Variants in CMYA5 observed in about 807,000 individuals in gnomAD.
The protein encoded by CMYA5 is cardiomyopathy-associated protein 5.
A neutral mutation model predicts 318.9 loss-of-function variants in CMYA5; 246 were observed. That is an observed-to-expected ratio of 0.77 (90% confidence interval 0.70 to 0.86). The LOEUF (loss-of-function observed/expected upper bound fraction) is 0.86. CMYA5 is among the 40% of genes least tolerant of loss of function. The pLI is 0.00. For missense variants in CMYA5, 4,589 were observed against 4,678.2 expected (o/e 0.98, Z 0.56); for synonymous variants, 1,641 against 1,729.5 (o/e 0.95, Z 1.27).
chr5:79,725,824 A>C (rs750970189), intron 1 of CMYA5, among the ~76,000 whole-genome samples: 3 of 152,182 alleles, frequency 2.0e-5, no homozygotes, highest in Non-Finnish European at 4.4e-5. Flanking sequence ...GAATCACTTA[A>C]ACCCAGGAGG....
At chr5:79,717,010 T>C (rs562802028) in intron 1 of CMYA5, among the ~76,000 whole-genome samples, 2 of 152,310 alleles carry the variant, frequency 1.3e-5, no homozygotes, top group South Asian at 2.1e-4. Context: ...TAATTTGAGC[T>C]CATTACATAC....
chr5:79,796,212 T>C (rs1829272749), intron 12 of CMYA5, among the ~76,000 whole-genome samples: 1 of 152,216 alleles, frequency 6.6e-6, no homozygotes, highest in African/African-American at 2.4e-5. Flanking sequence ...ACCAGCGTTA[T>C]GCAATAGGAC....
At chr5:79,767,196 ATTC>A (rs780274535) in intron 9 of CMYA5, among the ~76,000 whole-genome samples, 4 of 151,688 alleles carry the variant, frequency 2.6e-5, no homozygotes, top group Non-Finnish European at 5.9e-5. Flanking sequence ...TCTTGTCTCT[ATTC>A]TTCTTTATTA....
At chr5:79,727,273 CAT>C (rs1394530147) in intron 1 of CMYA5, among the ~76,000 whole-genome samples, 1 of 152,136 alleles carries the variant, frequency 6.6e-6, no homozygotes, top group African/African-American at 2.4e-5. Flanking sequence ...AATCTAAAAA[CAT>C]AGCAATGTGA....
chr5:79,735,173 C>CCT lies in CMYA5; in HGVS notation c.6408_6409insCT (p.Ser2137LeufsTer16), dbSNP rs1561210709. 1 of 1,613,664 alleles carries CCT rather than the reference C, an allele frequency of 6.2e-7. No individual in the cohort carries two copies. The highest frequency in any genetic ancestry group is 8.5e-7 in the Non-Finnish European group (1 of 1,179,768). On this transcript the variant is annotated frameshift_variant, in exon 2 of 13. Transcript: ENST00000446378. LOFTEE classifies it high-confidence loss of function. ...TACCCACACAAAGAAAACCCATCTC[C>CCT]TCAATCCATGCAAGAGAGCCTCAAT...
At chr5:79,701,090 C>CCAAAAAAAAAAAAAAAAAAAAAAAAAAA (rs55791310) in intron 1 of CMYA5, among the ~76,000 whole-genome samples, 1 of 114,926 alleles carries the variant, frequency 8.7e-6, no homozygotes, top group Non-Finnish European at 1.9e-5. Flanking sequence ...ACTAAAAATA[C>CCAAAAAAAAAAAAAAAAAAAAAAAAAAA]AAAAAAAAAA....
chr5:79,747,093 G>A lies in CMYA5; in HGVS notation c.10971G>A (p.Ser3657=), dbSNP rs990500912. The A allele has an allele frequency of 7.2e-6, 11 of 1,524,246 alleles. No individual in the cohort carries two copies. Among genetic ancestry groups the A allele is most frequent in the South Asian group, 1.2e-5 (1 of 82,788 alleles). 94.4% of individuals were successfully genotyped at this position (1,524,246 alleles called of 1,614,324 possible). The stretch of plus-strand genomic sequence containing the variant: ...CTTCCTCTCTCTTTCTCCCTAAGTC[G>A]TTTGAGGAAATCAATGAAAGGTATA... The part of the protein sequence containing the change: ...EELDEAVFLT[S]FEEINERLLS... The change falls in exon 5 of 13, where the codon TCG becomes TCA. Residue 3657 remains serine (S), a splice_region_variant and synonymous_variant. Transcript: ENST00000446378.
At chr5:79,793,164 T>G (rs1350857758) in intron 11 of CMYA5, among the ~76,000 whole-genome samples, 1 of 152,244 alleles carries the variant, frequency 6.6e-6, no homozygotes, top group Non-Finnish European at 1.5e-5. Context: ...AGTTATTTCC[T>G]GATTCCCAGC....
At chr5:79,707,257 G>A (rs746071551) in intron 1 of CMYA5, among the ~76,000 whole-genome samples, 11 of 151,992 alleles carry the variant, frequency 7.2e-5, no homozygotes, top group South Asian at 2.1e-4. Flanking sequence ...CAACTGGAAC[G>A]GCCCACTCAG....
intron 1 of CMYA5, among the ~76,000 whole-genome samples, chr5:79,698,324 A>C (rs866959015): frequency 9.1e-4 from 139 of 152,274 alleles, no homozygotes; most frequent in Middle Eastern, 3.4e-3. Flanking sequence ...AAACAAAAAA[A>C]AAAACACCTG....
At chr5:79,743,756 C>T (rs988458578) in intron 2 of CMYA5, 71 bp from the exon 3 acceptor site, 3 of 739,570 alleles carry the variant, frequency 4.1e-6, no homozygotes, top group Non-Finnish European at 6.5e-6. Flanking sequence ...TTATAAGGAA[C>T]TTGGAGCTCA....
At chr5:79,764,739 A>C (rs1828717392) in intron 9 of CMYA5, among the ~76,000 whole-genome samples, 1 of 152,176 alleles carries the variant, frequency 6.6e-6, no homozygotes, top group South Asian at 2.1e-4. Flanking sequence ...TTCTCTAATG[A>C]CCAGTGATGA....
intron 5 of CMYA5, among the ~76,000 whole-genome samples, chr5:79,751,307 G>A (rs1392584479): frequency 6.6e-6 from 1 of 152,094 alleles, no homozygotes; most frequent in African/African-American, 2.4e-5. Context: ...GGTGCCCTCT[G>A]GCCCTCGAAT....
chr5:79,745,514 T>A, intron 4 of CMYA5, 59 bp downstream of exon 4: 2 of 1,034,158 alleles, frequency 1.9e-6, no homozygotes, highest in Non-Finnish European at 3.0e-6. Context: ...CATCTACTTT[T>A]AAAGCTTCAT....
chr5:79,743,502 G>T lies in CMYA5; in HGVS notation c.10639-325G>T, dbSNP rs1828259214. ...ATATAAAAACCAAGGTCTTACTAGA[G>T]AGAACGCATTCAAATCTATAGTTCA... On this transcript the variant is annotated intron_variant, in intron 2 of 12. Transcript: ENST00000446378. 1.3e-5 allele frequency among the ~76,000 whole-genome samples: 2 copies of T among 152,142 alleles called. 1 individual carries two copies. Among genetic ancestry groups the T allele is most frequent in the South Asian group, 4.1e-4 (2 of 4,822 alleles).
intron 1 of CMYA5, among the ~76,000 whole-genome samples, chr5:79,702,439 T>G (rs1424499195): frequency 6.6e-6 from 1 of 152,112 alleles, no homozygotes; most frequent in Non-Finnish European, 1.5e-5. Context: ...TAAAAAGGAA[T>G]GAAGTACTGA....
At chr5:79,797,631 T>C (rs1259295511) in intron 12 of CMYA5, among the ~76,000 whole-genome samples, 1 of 152,176 alleles carries the variant, frequency 6.6e-6, no homozygotes, top group Non-Finnish European at 1.5e-5. Flanking sequence ...TCTCCACATC[T>C]GAGTATCTCT....
At position 79,735,679 on chromosome 5, in the gene CMYA5, C is replaced by T. The variant is rs757972618; in HGVS notation, c.6914C>T (p.Ser2305Leu). 50 of 1,611,124 alleles carry T rather than the reference C, an allele frequency of 3.1e-5. No individual in the cohort carries two copies. The highest frequency in any genetic ancestry group is 3.4e-5 in the Non-Finnish European group (40 of 1,179,240). ...SGDSEEMNIN[S>L]VVTSADGENL... ...GATTCAGAGGAAATGAACATAAACT[C>T]AGTAGTTACTTCTGCTGATGGTGAG... The change falls in exon 2 of 13, where the codon TCA becomes TTA. Residue 2305 changes from serine to leucine, a missense_variant. This residue lies in a region of CMYA5 where 2,431 missense variants were observed against 2,495.1 expected (regional missense o/e 0.97). Transcript: ENST00000446378.
In CMYA5 at chr5:79,733,208, G is replaced by A. The variant is rs1471619144; in HGVS notation, c.4443G>A (p.Gln1481=). ...GLPVIKTSSS[Q]HSDKSEEARV... The stretch of plus-strand genomic sequence containing the variant: ...CAGTAATCAAAACATCATCTTCTCA[G>A]CATTCAGATAAATCTGAGGAAGCAA... The change falls in exon 2 of 13, where the codon CAG becomes CAA. Residue 1481 remains glutamine, a synonymous_variant. Transcript: ENST00000446378. 11 of 1,613,472 alleles carry A rather than the reference G, an allele frequency of 6.8e-6. No individual in the cohort carries two copies. The highest frequency in any genetic ancestry group is 8.5e-6 in the Non-Finnish European group (10 of 1,179,706).
Sources: allele counts gnomAD v4.1 joint callset (sites outside exome capture counted in the v4.1 genomes callset), GRCh38; gene constraint gnomAD v4.1.1; regional missense constraint gnomAD v4.1.1; transcripts MANE v1.5; gene names NCBI Gene and HGNC (gene_info 2026-07-23, HGNC 2026-07-21).